C1orf105: variants seen among roughly 807,000 people sequenced by gnomAD.
C1orf105 encodes the protein chromosome 1 open reading frame 105.
Under a neutral mutation model 20.8 loss-of-function variants are expected in C1orf105, and 17 were observed. That is an observed-to-expected ratio of 0.82 (90% confidence interval 0.56 to 1.23). The LOEUF (loss-of-function observed/expected upper bound fraction) is 1.23. Ranked by LOEUF, C1orf105 falls within the 50% of genes most tolerant of loss-of-function variation. The pLI is 0.00. For missense variants in C1orf105, 219 were observed against 213.5 expected (o/e 1.03, Z -0.16); for synonymous variants, 72 against 72.1 (o/e 1.00, Z 0.01).
chr1:172,468,446 C>T lies in C1orf105; in HGVS notation c.407-3C>T. The T allele has an allele frequency of 6.2e-7, 1 of 1,608,780 alleles. No individual in the cohort carries two copies. Among genetic ancestry groups the T allele is most frequent in the Non-Finnish European group, 8.5e-7 (1 of 1,176,858 alleles). ...CTTCTTTCCTTCTTGTACTGTCATC[C>T]AGAAAGCATTCACTACAGACTGCCC... On this transcript the variant is annotated splice_region_variant and splice_polypyrimidine_tract_variant and intron_variant, in intron 6 of 6. Coordinates refer to ENST00000367727, the MANE Select transcript of C1orf105 (RefSeq NM_139240.4).
At chr1:172,453,735 A>G (rs1648919533) in intron 3 of C1orf105, among the ~76,000 whole-genome samples, 5 of 152,224 alleles carry the variant, frequency 3.3e-5, no homozygotes, top group Admixed American at 2.6e-4. Context: ...AATCAAGAAT[A>G]GTGCAAATAC....
In C1orf105 at chr1:172,468,565, G is replaced by T. The variant is rs1031434953; in HGVS notation, c.523G>T (p.Glu175Ter). The change falls in exon 7 of 7, where the codon GAA becomes TAA. Residue 175 changes from glutamate (E) to a stop codon, truncating the protein, a stop_gained. Coordinates refer to ENST00000367727, the MANE Select transcript of C1orf105 (RefSeq NM_139240.4). LOFTEE classifies it low-confidence loss of function (END_TRUNC). ...ACAACGTTCTTCCTTGCCCAGAAAG[G>T]AACCAATAGGCAAGACAACGAGGCA... ...ERQRSSLPRK[E>*]PIGKTTRQ is the part of the protein sequence containing the mutation. The T allele has an allele frequency of 1.2e-6, 2 of 1,613,772 alleles. No homozygotes were observed. The highest frequency in any genetic ancestry group is 2.7e-5 in the African/African-American group (2 of 75,012).
intron 4 of C1orf105, among the ~76,000 whole-genome samples, chr1:172,460,218 A>G (rs1649592094): frequency 6.6e-6 from 1 of 152,226 alleles, no homozygotes; most frequent in East Asian, 1.9e-4. Flanking sequence ...ACCGATAAAA[A>G]GAAATTAGCA....
chr1:172,429,578 T>G (rs559862779), intron 1 of C1orf105, among the ~76,000 whole-genome samples: 1 of 152,336 alleles, frequency 6.6e-6, no homozygotes, highest in African/African-American at 2.4e-5. Flanking sequence ...TCTGCTGACT[T>G]GTTTTCTTTT....
In C1orf105 at chr1:172,468,744, T is replaced by G; in HGVS notation, c.*150T>G. 1.3e-6 allele frequency: 1 copy of G among 752,318 alleles called. No homozygotes were observed. The highest frequency in any genetic ancestry group is 2.6e-5 in the East Asian group (1 of 38,176). The allele number at this position is 752,318 out of a possible 1,614,324, so 46.6% of individuals were successfully genotyped here. Reference sequence around the variant, plus strand: ...TTCCTAAGATTGCTGGTATTCTAGCTCTTACCTCTATGTTCTTTCTCACGT... The same window carrying G: ...TTCCTAAGATTGCTGGTATTCTAGCGCTTACCTCTATGTTCTTTCTCACGT... On this transcript the variant is annotated 3_prime_UTR_variant, in exon 7 of 7. Transcript: ENST00000367727.
intron 1 of C1orf105, among the ~76,000 whole-genome samples, chr1:172,430,782 T>C (rs1285720615): frequency 7.2e-5 from 11 of 152,192 alleles, no homozygotes. Context: ...GTGGCAACCT[T>C]GTGTTAAGCA....
chr1:172,453,695 C>T (rs539004096), intron 3 of C1orf105, among the ~76,000 whole-genome samples: 16 of 152,280 alleles, frequency 1.1e-4, no homozygotes, highest in African/African-American at 3.9e-4. Context: ...TAATAACTCT[C>T]AGCCCGGTGG....
At chr1:172,427,912 T>A (rs2071765266) in intron 1 of C1orf105, among the ~76,000 whole-genome samples, 1 of 152,146 alleles carries the variant, frequency 6.6e-6, no homozygotes, top group South Asian at 2.1e-4. Context: ...GAATTTCATC[T>A]CTCTCAAACT....
At chr1:172,443,745 C>A (rs1647617871) in intron 1 of C1orf105, 1 of 170,168 alleles carries the variant, frequency 5.9e-6, no homozygotes, top group Non-Finnish European at 1.4e-5. Context: ...CTTAAGGCCG[C>A]CGCCGGGGTT....
rs1482727003 is a variant in C1orf105, at chr1:172,442,584, C to T, written c.22-2489C>T. The stretch of plus-strand genomic sequence containing the variant: ...GTCGCTCATACAAGACCTTCTGCCA[C>T]TTGACCTCCTTGGTGTTAGTCACAG... On this transcript the variant is annotated intron_variant, in intron 1 of 6. Coordinates refer to ENST00000367727, the MANE Select transcript of C1orf105 (RefSeq NM_139240.4). The T allele has an allele frequency of 2.5e-6, 4 of 1,614,004 alleles. No homozygotes were observed. In the South Asian group the frequency reaches 3.3e-5, roughly 13 times the overall value.
chr1:172,452,856 T>C (rs577887745), intron 3 of C1orf105: 4 of 1,438,802 alleles, frequency 2.8e-6, no homozygotes, highest in Middle Eastern at 2.6e-4. Flanking sequence ...CCTCTGGCTC[T>C]AGACCTGATA....
At chr1:172,464,544 G>A (rs1230274878) in intron 5 of C1orf105, among the ~76,000 whole-genome samples, 1 of 152,168 alleles carries the variant, frequency 6.6e-6, no homozygotes, top group Non-Finnish European at 1.5e-5. Context: ...AGGAGAAATA[G>A]GATGTGGTCA....
chr1:172,422,527 C>T (rs140215900), intron 1 of C1orf105, among the ~76,000 whole-genome samples: 2 of 152,152 alleles, frequency 1.3e-5, no homozygotes, highest in East Asian at 3.9e-4. Flanking sequence ...CCGAAATGCA[C>T]TGGCTTCAGA....
At position 172,456,425 on chromosome 1, in the gene C1orf105, A is replaced by T. The variant is rs1308808213; in HGVS notation, c.209A>T (p.Asn70Ile). The T allele has an allele frequency of 6.2e-7, 1 of 1,613,152 alleles. No homozygotes were observed. Among genetic ancestry groups the T allele is most frequent in the Admixed American group, 1.7e-5 (1 of 60,020 alleles). ...VPDVLSKARR[N>I]QCDSMLLRNQ... ...TCTCTTTCCCCTCAGGCCAGGAGGA[A>T]CCAGTGTGACTCCATGCTGCTCAGA... Residue 70 changes from asparagine to isoleucine, a missense_variant, in exon 4 of 7, where the codon AAC becomes ATC. Asn to Ile is a moderately radical substitution (Grantham distance 149). Transcript: ENST00000367727.
chr1:172,426,693 CTA>C (rs560717085), intron 1 of C1orf105, among the ~76,000 whole-genome samples: 195 of 152,142 alleles, frequency 1.3e-3, no homozygotes, highest in African/African-American at 4.5e-3. Flanking sequence ...TCTCTATATC[CTA>C]TCTTTCTAGC....
intron 1 of C1orf105, chr1:172,444,128 G>A: frequency 2.0e-6 from 2 of 990,306 alleles, no homozygotes; most frequent in Non-Finnish European, 2.4e-6. Flanking sequence ...TCCCCGGCTG[G>A]AACCATCGCG....
At chr1:172,433,727 T>C (rs1370648279) in intron 1 of C1orf105, among the ~76,000 whole-genome samples, 1 of 152,190 alleles carries the variant, frequency 6.6e-6, no homozygotes, top group African/African-American at 2.4e-5. Context: ...AACATCACAA[T>C]TGCAGGATCA....
intron 1 of C1orf105, among the ~76,000 whole-genome samples, chr1:172,437,597 G>C (rs1420355001): frequency 1.0e-5 from 1 of 96,992 alleles, no homozygotes; most frequent in Admixed American, 1.3e-4. Flanking sequence ...GGTGGGGGGA[G>C]GGGGGAGGGA....
intron 1 of C1orf105, among the ~76,000 whole-genome samples, chr1:172,429,952 T>C (rs1305878037): frequency 2.6e-5 from 4 of 152,192 alleles, no homozygotes; most frequent in Non-Finnish European, 5.9e-5. Context: ...GTCCTTGATC[T>C]CACTTGCCAC....
Sources: allele counts gnomAD v4.1 joint callset (sites outside exome capture counted in the v4.1 genomes callset), GRCh38; gene constraint gnomAD v4.1.1; transcripts MANE v1.5; gene names NCBI Gene and HGNC (gene_info 2026-07-23, HGNC 2026-07-21).